Variants in CEP63 observed in about 807,000 individuals in gnomAD.
CEP63 encodes centrosomal protein of 63 kDa.
Under a neutral mutation model 89.1 loss-of-function variants are expected in CEP63, and 84 were observed. The ratio of observed to expected loss-of-function variants is 0.94; its 90% CI spans 0.79 to 1.13. CEP63 has a LOEUF of 1.13. CEP63 is among the 50% of genes most tolerant of loss of function. The probability of loss-of-function intolerance (pLI) is 0.00; values close to 1 mark genes in which losing one functional copy is unlikely to be tolerated. For synonymous variants in CEP63, 267 were observed against 272.5 expected (o/e 0.98, Z 0.20); for missense variants, 838 against 813.3 (o/e 1.03, Z -0.37).
At chr3:134,752,719 T>G in the CEP63 span, among the ~76,000 whole-genome samples, 2 of 152,128 alleles carry the variant, frequency 1.3e-5, no homozygotes, top group Non-Finnish European at 2.9e-5. Context: ...GACCAGCAAT[T>G]GTAGAAGAAA....
chr3:134,586,392 T>G (rs566899508), intron 10 of CEP63, among the ~76,000 whole-genome samples: 944 of 87,826 alleles, frequency 0.011, 34 homozygotes, highest in Admixed American at 0.11. Context: ...GGCCTGGTGG[T>G]GACAAAATCT....
the CEP63 span, among the ~76,000 whole-genome samples, chr3:134,674,072 T>C: frequency 4.6e-5 from 7 of 152,234 alleles, no homozygotes. Flanking sequence ...TTTGGATCAA[T>C]GAGAACCTGA....
the CEP63 span, among the ~76,000 whole-genome samples, chr3:134,747,998 C>A: frequency 2.0e-5 from 3 of 152,268 alleles, no homozygotes; most frequent in South Asian, 2.1e-4. Context: ...ATTGGCCAGG[C>A]TGGTCTCGAA....
chr3:134,535,067 A>T (rs1465282968), intron 5 of CEP63, among the ~76,000 whole-genome samples: 1 of 151,808 alleles, frequency 6.6e-6, no homozygotes, highest in Non-Finnish European at 1.5e-5. Context: ...TCTCTACTGG[A>T]TATTTTTTAC....
chr3:134,739,119 C>T, the CEP63 span, among the ~76,000 whole-genome samples: 1 of 152,086 alleles, frequency 6.6e-6, no homozygotes, highest in Non-Finnish European at 1.5e-5. Context: ...ACCATGTGGG[C>T]CGGAGATTCT....
At chr3:134,553,140 A>G (rs1955284382) in intron 12 of CEP63, 1 of 152,164 alleles carries the variant, frequency 6.6e-6, no homozygotes, top group Non-Finnish European at 1.5e-5. Flanking sequence ...TTCCTCCAAA[A>G]AGATATATGG....
At chr3:134,741,748 C>T in the CEP63 span, among the ~76,000 whole-genome samples, 2 of 152,284 alleles carry the variant, frequency 1.3e-5, no homozygotes, top group South Asian at 2.1e-4. Context: ...CATGGTTTTG[C>T]ATTTCCATTA....
At chr3:134,694,923 G>C in the CEP63 span, among the ~76,000 whole-genome samples, 1 of 152,194 alleles carries the variant, frequency 6.6e-6, no homozygotes, top group Non-Finnish European at 1.5e-5. Context: ...GTTTGTATTT[G>C]TGTGTGTGCA....
the CEP63 span, among the ~76,000 whole-genome samples, chr3:134,612,223 G>A: frequency 6.6e-6 from 1 of 152,192 alleles, no homozygotes; most frequent in Non-Finnish European, 1.5e-5. Context: ...TACCAGCTTG[G>A]CTCTGTGGGA....
At chr3:134,516,498 G>A (rs908451497) in intron 3 of CEP63, among the ~76,000 whole-genome samples, 3 of 152,142 alleles carry the variant, frequency 2.0e-5, no homozygotes, top group Admixed American at 6.5e-5. Context: ...GTCGGGCTGG[G>A]GGACGGTCAG....
the CEP63 span, among the ~76,000 whole-genome samples, chr3:134,680,754 C>A: frequency 6.6e-6 from 1 of 152,190 alleles, no homozygotes; most frequent in African/African-American, 2.4e-5. Context: ...GAGCTAGTGG[C>A]TCGAAAAGAA....
chr3:134,775,872 C>A, the CEP63 span, among the ~76,000 whole-genome samples: 1 of 152,224 alleles, frequency 6.6e-6, no homozygotes, highest in South Asian at 2.1e-4. Flanking sequence ...CTCATTCTCA[C>A]TGTCAATCAG....
chr3:134,521,160 A>T (rs965226321), intron 3 of CEP63, among the ~76,000 whole-genome samples: 2 of 152,162 alleles, frequency 1.3e-5, no homozygotes, highest in Admixed American at 6.5e-5. Context: ...ACCAGCGAGC[A>T]TGTGAAAAGG....
chr3:134,528,618 CT>C (rs1009470000), intron 3 of CEP63, among the ~76,000 whole-genome samples: 1 of 146,390 alleles, frequency 6.8e-6, no homozygotes, highest in African/African-American at 2.5e-5. Context: ...TGCCTTTTCT[CT>C]TGGTTGTGGT....
At chr3:134,690,898 G>A in the CEP63 span, among the ~76,000 whole-genome samples, 7 of 152,040 alleles carry the variant, frequency 4.6e-5, no homozygotes, top group African/African-American at 1.2e-4. Context: ...ACAGGCTCCC[G>A]CCACCATGCC....
At chr3:134,574,352 C>A (rs765332247) in intron 11 of CEP63, among the ~76,000 whole-genome samples, 1 of 152,134 alleles carries the variant, frequency 6.6e-6, no homozygotes, top group Non-Finnish European at 1.5e-5. Context: ...GTTTCTGAGT[C>A]TTTCTGAAAT....
At chr3:134,608,135 C>T in the CEP63 span, 1 of 1,134,204 alleles carries the variant, frequency 8.8e-7, no homozygotes, top group South Asian at 2.0e-5. Flanking sequence ...GGACCACCAA[C>T]ACCCAGATTC....
chr3:134,502,442 A>T (rs1431874585), intron 2 of CEP63, among the ~76,000 whole-genome samples: 1 of 152,284 alleles, frequency 6.6e-6, no homozygotes, highest in African/African-American at 2.4e-5. Flanking sequence ...CTGTGAATCC[A>T]TCTGGTCTGG....
the CEP63 span, among the ~76,000 whole-genome samples, chr3:134,600,193 C>T: frequency 6.6e-6 from 1 of 152,172 alleles, no homozygotes; most frequent in Non-Finnish European, 1.5e-5. Context: ...TGCAGGCAGA[C>T]CAGGATATCT....
Sources: gnomAD v4.1 joint callset for allele counts (sites outside exome capture counted in the v4.1 genomes callset) on GRCh38, gnomAD v4.1.1 for gene constraint, MANE v1.5 for transcripts, NCBI Gene and HGNC (gene_info 2026-07-23, HGNC 2026-07-21) for gene names.